DAB1: variants seen among roughly 807,000 people sequenced by gnomAD.
DAB1 encodes DAB adaptor protein 1.
A neutral mutation model predicts 64.6 loss-of-function variants in DAB1; 15 were observed. The observed-to-expected ratio is 0.23, with a 90% confidence interval of 0.16 to 0.36. The LOEUF (loss-of-function observed/expected upper bound fraction) is 0.36, where lower values mean the gene tolerates loss of function less well. DAB1 is among the 10% of genes least tolerant of loss of function. The probability of loss-of-function intolerance (pLI) is 1.00; values close to 1 mark genes in which losing one functional copy is unlikely to be tolerated. For missense variants in DAB1, 596 were observed against 706.7 expected (o/e 0.84, Z 1.78); for synonymous variants, 235 against 251.9 (o/e 0.93, Z 0.64).
At chr1:58,211,434 A>C (rs1419847156) in intron 4 of DAB1, among the ~76,000 whole-genome samples, 1 of 152,184 alleles carries the variant, frequency 6.6e-6, no homozygotes, top group Non-Finnish European at 1.5e-5. Flanking sequence ...TCTGATGATC[A>C]CACTGCACCT....
At chr1:58,408,306 C>T (rs1644636366) in intron 3 of DAB1, among the ~76,000 whole-genome samples, 1 of 152,246 alleles carries the variant, frequency 6.6e-6, no homozygotes, top group Non-Finnish European at 1.5e-5. Flanking sequence ...ATTCAAGTCT[C>T]AACTCAGTTG....
intron 2 of DAB1, among the ~76,000 whole-genome samples, chr1:57,252,137 T>C (rs1669388868): frequency 6.6e-6 from 1 of 152,234 alleles, no homozygotes; most frequent in African/African-American, 2.4e-5. Flanking sequence ...GGAAATTCCA[T>C]TTATGTCCAA....
chr1:57,382,280 G>A (rs1056494159), intron 1 of DAB1, among the ~76,000 whole-genome samples: 6 of 152,154 alleles, frequency 3.9e-5, no homozygotes, highest in African/African-American at 1.4e-4. Context: ...GTCACAGACT[G>A]AGCCCCTGAC....
chr1:57,448,719 G>A (rs1686240068), intron 7 of DAB1, among the ~76,000 whole-genome samples: 1 of 151,974 alleles, frequency 6.6e-6, no homozygotes, highest in Middle Eastern at 3.4e-3. Flanking sequence ...TATAGGACAC[G>A]ATTTGATCTG....
At chr1:58,359,397 T>C (rs1346050763) in intron 3 of DAB1, among the ~76,000 whole-genome samples, 2 of 152,234 alleles carry the variant, frequency 1.3e-5, no homozygotes, top group African/African-American at 4.8e-5. Flanking sequence ...TGGTTGGAGA[T>C]GTGAAGAGTG....
chr1:57,318,428 CT>C (rs1005054398), intron 1 of DAB1, among the ~76,000 whole-genome samples: 2 of 152,138 alleles, frequency 1.3e-5, no homozygotes, highest in Non-Finnish European at 2.9e-5. Flanking sequence ...TTAAAATACT[CT>C]GGTAGATAGA....
chr1:57,922,604 TA>T (rs1644823751), intron 5 of DAB1, among the ~76,000 whole-genome samples: 2 of 151,920 alleles, frequency 1.3e-5, no homozygotes, highest in Admixed American at 6.6e-5. Flanking sequence ...GCACAAATGA[TA>T]ACCCCTTGTG....
intron 4 of DAB1, among the ~76,000 whole-genome samples, chr1:58,238,915 G>A (rs1198513002): frequency 6.6e-6 from 1 of 152,050 alleles, no homozygotes; most frequent in Non-Finnish European, 1.5e-5. Context: ...GGCTTAGAAG[G>A]GCATGTTAAA....
chr1:57,488,401 CAAAA>C (rs11455708), intron 7 of DAB1, among the ~76,000 whole-genome samples: 1 of 74,108 alleles, frequency 1.3e-5, no homozygotes, highest in African/African-American at 5.9e-5. Context: ...GATTCCGTCT[CAAAA>C]AAAAAAAAAA....
intron 3 of DAB1, among the ~76,000 whole-genome samples, chr1:58,424,844 A>G (rs1252979561): frequency 6.6e-6 from 1 of 151,182 alleles, no homozygotes; most frequent in Non-Finnish European, 1.5e-5. Flanking sequence ...GGAGGCATCT[A>G]TGATGAGTTC....
rs187551310 is a variant in DAB1 at position 57,436,851 on chromosome 1, C to A, written n.626-145685G>T. Among the ~76,000 whole-genome samples the A allele has an allele frequency of 2.8e-3, 427 of 152,008 alleles. 5 individuals are homozygous for A. The highest frequency in any genetic ancestry group is 9.8e-3 in the African/African-American group (407 of 41,460). ...AGACCATCCTGGCTAACATGGTGAA[C>A]CCCGTCTCTACTAAAAAATACAAAA... On this transcript the variant is annotated intron_variant and non_coding_transcript_variant, in intron 7 of 20. Coordinates refer to the DAB1 transcript ENST00000485760.
chr1:58,070,231 C>T (rs542283246), intron 5 of DAB1, among the ~76,000 whole-genome samples: 1 of 152,250 alleles, frequency 6.6e-6, no homozygotes, highest in South Asian at 2.1e-4. Flanking sequence ...TTTCAGTTTA[C>T]AGAAGAGAAA....
At chr1:58,360,876 GTTTA>G (rs1241144218) in intron 3 of DAB1, among the ~76,000 whole-genome samples, 1 of 151,978 alleles carries the variant, frequency 6.6e-6, no homozygotes, top group African/African-American at 2.4e-5. Context: ...CTTTGAAATT[GTTTA>G]TTTTTTATTT....
chr1:58,061,973 A>G (rs562295825), intron 5 of DAB1, among the ~76,000 whole-genome samples: 2 of 152,320 alleles, frequency 1.3e-5, no homozygotes, highest in Admixed American at 1.3e-4. Flanking sequence ...GTAGGAATTT[A>G]AAGGTCATTT....
intron 3 of DAB1, among the ~76,000 whole-genome samples, chr1:58,413,823 A>G (rs969538359): frequency 1.3e-5 from 2 of 152,180 alleles, no homozygotes; most frequent in Non-Finnish European, 2.9e-5. Context: ...ACTATACAGA[A>G]TTGCAGGACC....
At chr1:58,055,774 GGCTC>G in intron 5 of DAB1, among the ~76,000 whole-genome samples, 1 of 151,704 alleles carries the variant, frequency 6.6e-6, no homozygotes, top group South Asian at 2.1e-4. Flanking sequence ...GCGTCATCTC[GGCTC>G]ACTGCAACCT....
At chr1:57,870,099 G>A (rs1029287550) in intron 1 of DAB1, among the ~76,000 whole-genome samples, 2 of 152,088 alleles carry the variant, frequency 1.3e-5, no homozygotes, top group South Asian at 4.1e-4. Context: ...TCTGTATAAT[G>A]GGGGCAATCA....
chr1:58,295,422 G>A (rs1444843982), intron 4 of DAB1, among the ~76,000 whole-genome samples: 1 of 152,064 alleles, frequency 6.6e-6, no homozygotes, highest in Admixed American at 6.6e-5. Flanking sequence ...AGGTGGCAGG[G>A]GAAAGCATTT....
At chr1:58,296,454 G>A (rs1403038314) in intron 4 of DAB1, among the ~76,000 whole-genome samples, 1 of 152,130 alleles carries the variant, frequency 6.6e-6, no homozygotes, top group East Asian at 1.9e-4. Context: ...CGGGTGGTTG[G>A]GGCAGGAGAG....
Sources: gnomAD v4.1 joint callset for allele counts (sites outside exome capture counted in the v4.1 genomes callset) on GRCh38, gnomAD v4.1.1 for gene constraint, MANE v1.5 for transcripts, NCBI Gene and HGNC (gene_info 2026-07-23, HGNC 2026-07-21) for gene names.